TENM2: variants seen among roughly 807,000 people sequenced by gnomAD.
The protein encoded by TENM2 is teneurin transmembrane protein 2.
Under a neutral mutation model 245.2 loss-of-function variants are expected in TENM2, and 52 were observed. That is an observed-to-expected ratio of 0.21 (90% CI 0.17 to 0.27). TENM2 has a LOEUF of 0.27. Among genes scored for constraint, TENM2 ranks in the 10% least tolerant of loss-of-function variants. The probability of loss-of-function intolerance (pLI) is 1.00; values close to 1 mark genes in which losing one functional copy is unlikely to be tolerated. For missense variants in TENM2, 3,046 were observed against 3,666.8 expected (o/e 0.83, Z 4.37); for synonymous variants, 1,363 against 1,438.9 (o/e 0.95, Z 1.19).
intron 2 of TENM2, among the ~76,000 whole-genome samples, chr5:167,566,003 CT>C (rs763771220): frequency 6.6e-6 from 1 of 151,932 alleles, no homozygotes; most frequent in Non-Finnish European, 1.5e-5. Context: ...AAAATCACCA[CT>C]TTTTTGTGTG....
At chr5:167,545,343 T>C (rs28701535) in intron 2 of TENM2, among the ~76,000 whole-genome samples, 10,417 of 152,234 alleles carry the variant, frequency 0.068, 883 homozygotes, top group Admixed American at 0.21. Flanking sequence ...CAATTTGGGC[T>C]TTTTGGTGGT....
At chr5:167,305,096 CA>C (rs1755591872) in intron 1 of TENM2, among the ~76,000 whole-genome samples, 1 of 152,170 alleles carries the variant, frequency 6.6e-6, no homozygotes, top group Non-Finnish European at 1.5e-5. Context: ...CTCCAAAAGG[CA>C]ACCTTTCCCC....
chr5:167,738,358 C>T (rs1167622008), intron 2 of TENM2, among the ~76,000 whole-genome samples: 1 of 152,162 alleles, frequency 6.6e-6, no homozygotes, highest in Non-Finnish European at 1.5e-5. Flanking sequence ...ATCCTCTCAC[C>T]TCCTGGAAGA....
chr5:167,014,109 C>A, the TENM2 span, among the ~76,000 whole-genome samples: 2 of 145,718 alleles, frequency 1.4e-5, no homozygotes, highest in Non-Finnish European at 3.0e-5. Flanking sequence ...GATTACTTAA[C>A]GGCATTTGCT....
At chr5:167,923,551 G>A (rs1387937668) in intron 3 of TENM2, among the ~76,000 whole-genome samples, 1 of 152,146 alleles carries the variant, frequency 6.6e-6, no homozygotes, top group Non-Finnish European at 1.5e-5. Flanking sequence ...TCAGAATTAT[G>A]TCCCCAGGGG....
chr5:167,572,771 G>A, intron 2 of TENM2, among the ~76,000 whole-genome samples: 1 of 152,134 alleles, frequency 6.6e-6, no homozygotes, highest in Non-Finnish European at 1.5e-5. Context: ...TGTCAAAAAT[G>A]GAACCTTCTT....
At chr5:168,053,137 C>A (rs1441260518) in intron 6 of TENM2, among the ~76,000 whole-genome samples, 1 of 152,164 alleles carries the variant, frequency 6.6e-6, no homozygotes, top group South Asian at 2.1e-4. Flanking sequence ...CCAAACACCC[C>A]TTTACTGCAC....
intron 3 of TENM2, among the ~76,000 whole-genome samples, chr5:167,892,500 A>G (rs1200229414): frequency 6.6e-6 from 1 of 152,254 alleles, no homozygotes; most frequent in Non-Finnish European, 1.5e-5. Context: ...ATAGCAAAGC[A>G]TAGATCATGA....
chr5:167,630,946 A>C (rs751511699), intron 2 of TENM2, among the ~76,000 whole-genome samples: 21 of 152,134 alleles, frequency 1.4e-4, no homozygotes, highest in Non-Finnish European at 2.6e-4. Context: ...CATGTACCCA[A>C]CCGGGTTTTG....
chr5:168,242,692 C>T (rs1390323664), intron 25 of TENM2, among the ~76,000 whole-genome samples: 1 of 152,200 alleles, frequency 6.6e-6, no homozygotes, highest in Non-Finnish European at 1.5e-5. Flanking sequence ...GTGGCTCACA[C>T]CTGTAATCCT....
intron 2 of TENM2, among the ~76,000 whole-genome samples, chr5:167,603,004 A>C (rs1317687431): frequency 6.6e-6 from 1 of 152,192 alleles, no homozygotes; most frequent in African/African-American, 2.4e-5. Flanking sequence ...AGGAACATCA[A>C]GAATAAGAAT....
chr5:167,833,660 C>T (rs939151885), intron 2 of TENM2, among the ~76,000 whole-genome samples: 3 of 152,230 alleles, frequency 2.0e-5, no homozygotes, highest in Middle Eastern at 3.2e-3. Flanking sequence ...ATTCCAGACA[C>T]TAGAGCTGCA....
chr5:167,445,849 G>A (rs181102265), intron 2 of TENM2, among the ~76,000 whole-genome samples: 14 of 152,260 alleles, frequency 9.2e-5, no homozygotes, highest in Non-Finnish European at 1.6e-4. Context: ...AAGAGAAAGG[G>A]AGAGAAGCCA....
intron 2 of TENM2, among the ~76,000 whole-genome samples, chr5:167,668,111 T>A (rs1755691892): frequency 6.6e-6 from 1 of 152,094 alleles, no homozygotes; most frequent in Admixed American, 6.6e-5. Flanking sequence ...CCTTTGAAAA[T>A]CTCCTCCACT....
chr5:167,226,191 T>C, the TENM2 span, among the ~76,000 whole-genome samples: 1 of 151,968 alleles, frequency 6.6e-6, no homozygotes, highest in East Asian at 1.9e-4. Context: ...TTTCTTCTTC[T>C]AATTTTGGGT....
intron 2 of TENM2, among the ~76,000 whole-genome samples, chr5:167,621,835 T>C (rs2127771752): frequency 6.6e-6 from 1 of 152,298 alleles, no homozygotes; most frequent in African/African-American, 2.4e-5. Context: ...AGGCTTCACT[T>C]GCAGGCTTAT....
At chr5:167,585,087 C>T (rs983361826) in intron 2 of TENM2, among the ~76,000 whole-genome samples, 1 of 152,176 alleles carries the variant, frequency 6.6e-6, no homozygotes, top group South Asian at 2.1e-4. Flanking sequence ...GACCACAAAT[C>T]ATTAACCTCT....
intron 2 of TENM2, among the ~76,000 whole-genome samples, chr5:167,538,889 C>G (rs1342270764): frequency 6.6e-6 from 1 of 152,150 alleles, no homozygotes; most frequent in Non-Finnish European, 1.5e-5. Flanking sequence ...GAGTTAGGCT[C>G]TCTCTAGGCT....
the TENM2 span, among the ~76,000 whole-genome samples, chr5:167,060,147 G>C: frequency 6.6e-6 from 1 of 152,054 alleles, no homozygotes; most frequent in Non-Finnish European, 1.5e-5. Context: ...AGATATTGTA[G>C]AAATATTGAA....
Sources: gnomAD v4.1 joint callset for allele counts (sites outside exome capture counted in the v4.1 genomes callset) on GRCh38, gnomAD v4.1.1 for gene constraint, MANE v1.5 for transcripts, NCBI Gene and HGNC (gene_info 2026-07-23, HGNC 2026-07-21) for gene names.